The following TENM2 variants were observed in gnomAD, a reference collection of about 807,000 sequenced individuals.
TENM2 encodes the protein teneurin-2.
Under a neutral mutation model 245.2 loss-of-function variants are expected in TENM2, and 52 were observed. The observed-to-expected ratio is 0.21, with a 90% CI of 0.17 to 0.27. TENM2 has a LOEUF of 0.27. Ranked by LOEUF, TENM2 falls within the 10% of genes least tolerant of loss-of-function variation. TENM2 has a pLI of 1.00. For synonymous variants in TENM2, 1,363 were observed against 1,438.9 expected (o/e 0.95, Z 1.19); for missense variants, 3,046 against 3,666.8 (o/e 0.83, Z 4.37).
intron 9 of TENM2, among the ~76,000 whole-genome samples, chr5:168,102,722 C>T (rs7708643): frequency 0.47 from 71,606 of 151,968 alleles, 17,324 homozygotes; most frequent in South Asian, 0.68. Flanking sequence ...TGCAAAAATC[C>T]AATGATTAGC....
intron 2 of TENM2, among the ~76,000 whole-genome samples, chr5:167,500,002 A>ATG (rs372282137): frequency 4.7e-5 from 3 of 63,274 alleles, no homozygotes; most frequent in Non-Finnish European, 6.6e-5. Context: ...GTGAGGGTGT[A>ATG]TGTGTGTGTG....
the TENM2 span, among the ~76,000 whole-genome samples, chr5:167,077,920 T>C: frequency 6.6e-6 from 1 of 152,232 alleles, no homozygotes; most frequent in African/African-American, 2.4e-5. Flanking sequence ...ATTGGAACTA[T>C]GCAAACCAGG....
At chr5:167,194,149 G>A in the TENM2 span, among the ~76,000 whole-genome samples, 3 of 151,892 alleles carry the variant, frequency 2.0e-5, no homozygotes, top group Admixed American at 1.3e-4. Flanking sequence ...CATAACAGCC[G>A]CCTACACCCT....
At chr5:167,389,058 T>C (rs1761606346) in intron 2 of TENM2, among the ~76,000 whole-genome samples, 1 of 152,014 alleles carries the variant, frequency 6.6e-6, no homozygotes. Flanking sequence ...AACAGAATCC[T>C]AATGCTACCA....
At chr5:168,161,158 C>T (rs911478286) in intron 12 of TENM2, among the ~76,000 whole-genome samples, 4 of 152,194 alleles carry the variant, frequency 2.6e-5, no homozygotes, top group Non-Finnish European at 5.9e-5. Flanking sequence ...AGGGGAGATG[C>T]ATGCTTTTGA....
intron 2 of TENM2, among the ~76,000 whole-genome samples, chr5:167,547,746 A>T (rs1157525355): frequency 6.6e-6 from 1 of 152,194 alleles, no homozygotes; most frequent in Non-Finnish European, 1.5e-5. Flanking sequence ...TAAGAACTGA[A>T]GATGTCAAAA....
exon 25 of TENM2, chr5:168,228,110 A>C: frequency 6.2e-7 from 1 of 1,613,522 alleles, no homozygotes; most frequent in Non-Finnish European, 8.5e-7. Flanking sequence ...CAAAGTCACC[A>C]TCTTTGGCAG....
chr5:167,801,109 A>AAAT (rs1444227809), intron 2 of TENM2, among the ~76,000 whole-genome samples: 23 of 66,540 alleles, frequency 3.5e-4, no homozygotes, highest in East Asian at 1.6e-3. Flanking sequence ...AAAAAAAAAA[A>AAAT]ATATATATAT....
chr5:167,377,113 C>T (rs1353367133), intron 2 of TENM2, among the ~76,000 whole-genome samples: 1 of 151,848 alleles, frequency 6.6e-6, no homozygotes. Context: ...TCTGGTGAAG[C>T]CAAGGGCACA....
intron 2 of TENM2, among the ~76,000 whole-genome samples, chr5:167,395,842 A>G (rs1762019730): frequency 1.3e-5 from 2 of 152,162 alleles, no homozygotes; most frequent in Non-Finnish European, 1.5e-5. Flanking sequence ...AGGACTTGCT[A>G]TATATGAAAA....
At position 168,244,683 on chromosome 5, in the gene TENM2, C is replaced by G; in HGVS notation, c.5784C>G (p.Asp1928Glu). The G allele has an allele frequency of 6.7e-7, 1 of 1,489,038 alleles. No individual in the cohort carries two copies. Among genetic ancestry groups the G allele is most frequent in the African/African-American group, 1.4e-5 (1 of 71,662 alleles). The allele number at this position is 1,489,038 out of a possible 1,614,324, so 92.2% of individuals were successfully genotyped here. The change falls in exon 26 of 29, where the codon GAC becomes GAG. Residue 1928 changes from aspartate (D) to glutamate (E), a missense_variant. By Grantham distance (45) the Asp-to-Glu change is conservative. This residue lies in a region of TENM2 where 2,704 missense variants were observed against 3,331.9 expected (regional missense o/e 0.81). Coordinates refer to ENST00000518659, the Ensembl canonical transcript of TENM2. The surrounding 1 kb of genome is among the most constrained non-coding windows in gnomAD (Gnocchi z 4.9). ...GCATCGTGTCCCGCATGTTCGCTGACGGGAAAGTGTGGAGCTACTCCTACC... is the reference window on the plus strand; with the variant it reads ...GCATCGTGTCCCGCATGTTCGCTGAGGGGAAAGTGTGGAGCTACTCCTACC...
chr5:168,161,114 A>G (rs1025366052), intron 12 of TENM2, among the ~76,000 whole-genome samples: 6 of 152,328 alleles, frequency 3.9e-5, no homozygotes, highest in Non-Finnish European at 7.3e-5. Flanking sequence ...GGAAGATGCT[A>G]GGTGAAGGCC....
the TENM2 span, among the ~76,000 whole-genome samples, chr5:167,207,366 C>A: frequency 6.6e-6 from 1 of 152,178 alleles, no homozygotes; most frequent in Non-Finnish European, 1.5e-5. Context: ...CCAATTGTTG[C>A]CTTCAGGGAA....
chr5:166,979,542 T>G, the TENM2 span, among the ~76,000 whole-genome samples: 1 of 152,304 alleles, frequency 6.6e-6, no homozygotes. Flanking sequence ...TTTTCACTTC[T>G]TACTCTTTAA....
chr5:168,095,993 G>A (rs1195215267), intron 8 of TENM2, among the ~76,000 whole-genome samples: 1 of 152,176 alleles, frequency 6.6e-6, no homozygotes, highest in East Asian at 1.9e-4. Flanking sequence ...CACTGCAGGA[G>A]AAAAATCCTG....
rs890196311 is a variant in TENM2 at position 167,384,793 on chromosome 5, A to C, written c.502+9320A>C. ...AAAGAGAAGCAGTAGTCCAGGTAGAAGGACTCCAGAAACCCTTATACCACA... is the reference window on the plus strand; with the variant it reads ...AAAGAGAAGCAGTAGTCCAGGTAGACGGACTCCAGAAACCCTTATACCACA... On this transcript the variant is annotated intron_variant, in intron 2 of 28. Coordinates refer to ENST00000518659, the Ensembl canonical transcript of TENM2. Among the ~76,000 whole-genome samples, 3 of 152,238 alleles carry C rather than the reference A, an allele frequency of 2.0e-5. No individual in the cohort carries two copies. The East Asian group carries it at 5.8e-4, about 29-fold the overall frequency.
chr5:167,138,399 A>G, the TENM2 span, among the ~76,000 whole-genome samples: 1 of 152,204 alleles, frequency 6.6e-6, no homozygotes, highest in Non-Finnish European at 1.5e-5. Flanking sequence ...CAATGACTTC[A>G]TGGAAGTGAC....
At chr5:167,130,912 T>TAA in the TENM2 span, among the ~76,000 whole-genome samples, 6 of 118,356 alleles carry the variant, frequency 5.1e-5, no homozygotes, top group South Asian at 8.9e-4. Context: ...TTTTTTTTTT[T>TAA]AAAAAAAAAA....
intron 2 of TENM2, among the ~76,000 whole-genome samples, chr5:167,825,779 G>A (rs1419776269): frequency 6.6e-6 from 1 of 151,610 alleles, no homozygotes; most frequent in Non-Finnish European, 1.5e-5. Context: ...TTGTTGAAGT[G>A]ACTGAGCTCT....
Sources: allele counts gnomAD v4.1 joint callset (sites outside exome capture counted in the v4.1 genomes callset), GRCh38; gene constraint gnomAD v4.1.1; regional missense constraint gnomAD v4.1.1; non-coding constraint Gnocchi (gnomAD v3.1); transcripts MANE v1.5; gene names NCBI Gene and HGNC (gene_info 2026-07-23, HGNC 2026-07-21).